Variants in CEP112 observed in about 807,000 individuals in gnomAD.
CEP112 encodes centrosomal protein of 112 kDa.
Under a neutral mutation model 153.0 loss-of-function variants are expected in CEP112, and 127 were observed. That is an observed-to-expected ratio of 0.83 (90% CI 0.72 to 0.96). CEP112 has a LOEUF of 0.96. Among genes scored for constraint, CEP112 ranks in the 40% least tolerant of loss-of-function variants. CEP112 has a pLI of 0.00. For synonymous variants in CEP112, 358 were observed against 374.4 expected, an observed-to-expected ratio of 0.96 and a Z score of 0.51; for missense variants, 1,089 against 1,101.2, an observed-to-expected ratio of 0.99 and a Z score of 0.16.
At chr17:66,187,483 G>A (rs2072982475) in intron 1 of CEP112, among the ~76,000 whole-genome samples, 1 of 152,088 alleles carries the variant, frequency 6.6e-6, no homozygotes, top group African/African-American at 2.4e-5. Context: ...CATCTCCACA[G>A]CATCTTCCAC....
At chr17:65,950,630 G>A (rs994164348) in intron 18 of CEP112, among the ~76,000 whole-genome samples, 2 of 151,660 alleles carry the variant, frequency 1.3e-5, no homozygotes, top group African/African-American at 4.8e-5. Context: ...GATTTTGTGG[G>A]ATTTTCACTA....
At chr17:65,935,811 C>T (rs1452772156) in intron 18 of CEP112, among the ~76,000 whole-genome samples, 1 of 150,732 alleles carries the variant, frequency 6.6e-6, no homozygotes, top group Non-Finnish European at 1.5e-5. Flanking sequence ...AAAGACAAAC[C>T]TCAAATCAAC....
At chr17:65,826,626 T>C (rs1389636231) in intron 21 of CEP112, 7 of 1,100,422 alleles carry the variant, frequency 6.4e-6, no homozygotes, top group African/African-American at 3.3e-5. Flanking sequence ...AGGCTAAAGA[T>C]GCCCTAGGAC....
At chr17:65,794,126 A>G (rs1434042133) in intron 21 of CEP112, among the ~76,000 whole-genome samples, 1 of 152,196 alleles carries the variant, frequency 6.6e-6, no homozygotes, top group Non-Finnish European at 1.5e-5. Context: ...TTCTGTTGTC[A>G]TAGAAGTTAC....
intron 17 of CEP112, among the ~76,000 whole-genome samples, chr17:65,972,054 C>T (rs372218159): frequency 5.3e-5 from 8 of 152,200 alleles, no homozygotes; most frequent in African/African-American, 1.9e-4. Flanking sequence ...AGCAGCTAGG[C>T]CTAATGGACA....
intron 24 of CEP112, among the ~76,000 whole-genome samples, chr17:65,651,526 T>C (rs1031410862): frequency 1.3e-5 from 2 of 152,240 alleles, no homozygotes; most frequent in African/African-American, 2.4e-5. Flanking sequence ...CTGTTTTCCA[T>C]AGTGGTTGTA....
chr17:65,788,838 T>G (rs1224638740), intron 21 of CEP112, among the ~76,000 whole-genome samples: 1 of 152,198 alleles, frequency 6.6e-6, no homozygotes, highest in African/African-American at 2.4e-5. Context: ...TTTGCCGAAT[T>G]ACTGATTTTT....
intron 20 of CEP112, among the ~76,000 whole-genome samples, chr17:65,863,506 G>A (rs763418563): frequency 6.6e-6 from 1 of 152,062 alleles, no homozygotes; most frequent in Admixed American, 6.6e-5. Context: ...GGTGGCTCAC[G>A]CCTGTAATCC....
intron 20 of CEP112, among the ~76,000 whole-genome samples, chr17:65,862,977 T>C (rs1462109920): frequency 6.6e-6 from 1 of 152,148 alleles, no homozygotes; most frequent in Non-Finnish European, 1.5e-5. Flanking sequence ...ATAAAGTTAA[T>C]TAAAAAATAA....
chr17:65,718,408 CAAA>C (rs775958879), intron 23 of CEP112, among the ~76,000 whole-genome samples: 1 of 95,044 alleles, frequency 1.1e-5, no homozygotes, highest in Admixed American at 1.1e-4. Flanking sequence ...AACTCCATCT[CAAA>C]AAAAAAAAAA....
rs115066766 is a variant in CEP112 at position 65,882,378 on chromosome 17, G to A, written c.2163+19774C>T. Among the ~76,000 whole-genome samples, 1,245 of 152,368 alleles carry A rather than the reference G, an allele frequency of 8.2e-3. 14 individuals are homozygous for A. Among genetic ancestry groups the A allele is most frequent in the African/African-American group, 0.028 (1,183 of 41,594 alleles). On this transcript the variant is annotated intron_variant, in intron 20 of 26. Transcript: ENST00000535342. ...AATGTGCCTAAAACTAAGAAGGCCC[G>A]TAGTACATGTTGGGCAAATATTCTT...
At chr17:66,133,681 G>A (rs2070304919) in intron 4 of CEP112, among the ~76,000 whole-genome samples, 1 of 152,042 alleles carries the variant, frequency 6.6e-6, no homozygotes, top group African/African-American at 2.4e-5. Flanking sequence ...CTGAACAACT[G>A]CTTCAAGATA....
chr17:65,895,578 G>T (rs963524235), intron 20 of CEP112, among the ~76,000 whole-genome samples: 1 of 152,070 alleles, frequency 6.6e-6, no homozygotes, highest in Non-Finnish European at 1.5e-5. Context: ...ACCAGGCAAA[G>T]ATTCCTATAT....
chr17:66,070,685 T>C (rs777949519), intron 8 of CEP112, among the ~76,000 whole-genome samples: 3 of 152,150 alleles, frequency 2.0e-5, no homozygotes, highest in Non-Finnish European at 2.9e-5. Flanking sequence ...AAGGGTATCC[T>C]AGAATTAAAA....
chr17:65,922,262 G>T, intron 19 of CEP112, among the ~76,000 whole-genome samples: 1 of 151,288 alleles, frequency 6.6e-6, no homozygotes, highest in African/African-American at 2.4e-5. Flanking sequence ...TCACTTATTG[G>T]GACATTAATG....
intron 12 of CEP112, among the ~76,000 whole-genome samples, chr17:66,048,432 C>T (rs1195978283): frequency 1.3e-5 from 2 of 152,088 alleles, no homozygotes; most frequent in African/African-American, 4.8e-5. Flanking sequence ...AAGTTATCCA[C>T]ATAGAAAAAA....
At chr17:66,164,412 GC>G (rs2071841549) in intron 4 of CEP112, among the ~76,000 whole-genome samples, 1 of 151,970 alleles carries the variant, frequency 6.6e-6, no homozygotes, top group Non-Finnish European at 1.5e-5. Flanking sequence ...ACAAAAATTA[GC>G]CAGGCGTGGT....
intron 20 of CEP112, chr17:65,873,388 T>C (rs1249986783): frequency 6.6e-6 from 1 of 152,248 alleles, no homozygotes; most frequent in Non-Finnish European, 1.5e-5. Context: ...CCTGGACTCT[T>C]GAAGTTCATT....
At chr17:65,751,498 C>T (rs954795231) in intron 21 of CEP112, among the ~76,000 whole-genome samples, 1 of 152,262 alleles carries the variant, frequency 6.6e-6, no homozygotes, top group East Asian at 1.9e-4. Context: ...GAGGCTCTTT[C>T]ACTCTGAACT....
Sources: allele counts gnomAD v4.1 joint callset (sites outside exome capture counted in the v4.1 genomes callset), GRCh38; gene constraint gnomAD v4.1.1; transcripts MANE v1.5; gene names NCBI Gene and HGNC (gene_info 2026-07-23, HGNC 2026-07-21).